The following PFKFB1 variants were observed in gnomAD, a reference collection of about 807,000 sequenced individuals.
PFKFB1 encodes the protein 6-phosphofructo-2-kinase/fructose-2,6-biphosphatase 1.
Under a neutral mutation model 46.4 loss-of-function variants are expected in PFKFB1, and 34 were observed. The observed-to-expected ratio is 0.73, with a 90% confidence interval of 0.56 to 0.98. PFKFB1 has a LOEUF of 0.98. PFKFB1 is among the 50% of genes least tolerant of loss of function. PFKFB1 has a pLI of 0.00. For missense variants in PFKFB1, 393 were observed against 376.3 expected, an observed-to-expected ratio of 1.04 and a Z score of -0.37; for synonymous variants, 119 against 133.8, an observed-to-expected ratio of 0.89 and a Z score of 0.76.
chrX:54,936,367 A>AGCATTC, intron 11 of PFKFB1, among the ~76,000 whole-genome samples: 1 of 46,138 alleles, frequency 2.2e-5, no homozygotes, highest in Non-Finnish European at 3.8e-5. Flanking sequence ...TCACCTAAGT[A>AGCATTC]ATGGGGTGGG....
rs183459555 is a variant in PFKFB1 at position 54,944,474 on chromosome X, G to C, written c.1098+965C>G. 4.5e-5 allele frequency among the ~76,000 whole-genome samples: 5 copies of C among 111,806 alleles called. No homozygotes were observed. In the East Asian group the frequency reaches 8.4e-4, roughly 19 times the overall value. Reference sequence around the variant, plus strand: ...AAACAACGAAACCCAACTATAAGCTGTTTATAAGAGACACAAAACAAAGAT... The same window carrying C: ...AAACAACGAAACCCAACTATAAGCTCTTTATAAGAGACACAAAACAAAGAT... On this transcript the variant is annotated intron_variant, in intron 10 of 13. Transcript: ENST00000375006.
At chrX:54,984,616 C>G (rs1446956436) in intron 1 of PFKFB1, among the ~76,000 whole-genome samples, 1 of 112,082 alleles carries the variant, frequency 8.9e-6, no homozygotes, top group Non-Finnish European at 1.9e-5. Context: ...CTACTGTCCC[C>G]TCACTACTGG....
At chrX:54,945,397 T>C (rs1184100574) in intron 10 of PFKFB1, 42 bp downstream of exon 10, 2 of 746,167 alleles carry the variant, frequency 2.7e-6, no homozygotes, top group Non-Finnish European at 4.1e-6. Flanking sequence ...ATGAAGACAC[T>C]GGGGAGTAGT....
At chrX:54,965,016 A>T (rs1213778402) in intron 1 of PFKFB1, among the ~76,000 whole-genome samples, 2 of 111,904 alleles carry the variant, frequency 1.8e-5, no homozygotes, top group African/African-American at 6.5e-5. Context: ...GAGCAAAAAA[A>T]GAAACCAGAA....
chrX:54,933,239 G>C lies in PFKFB1; in HGVS notation c.*164C>G. The stretch of plus-strand genomic sequence containing the variant: ...TCCTCCAGAGCTAGATAGCTCCTTG[G>C]TTGCGGCCAGCAAGCGAGGCTTGTT... On this transcript the variant is annotated 3_prime_UTR_variant, in exon 14 of 14. Coordinates refer to ENST00000375006, the MANE Select transcript of PFKFB1 (RefSeq NM_002625.4). 2.2e-6 allele frequency: 1 copy of C among 462,381 alleles called. No homozygotes were observed. The highest frequency in any genetic ancestry group is 3.3e-5 in the South Asian group (1 of 30,620). 38.1% of individuals were successfully genotyped at this position (462,381 alleles called of 1,213,427 possible).
intron 1 of PFKFB1, among the ~76,000 whole-genome samples, chrX:54,966,064 C>T (rs918465201): frequency 9.0e-6 from 1 of 110,967 alleles, no homozygotes; most frequent in African/African-American, 3.3e-5. Flanking sequence ...GAAAAGAAAA[C>T]AGAAAGATGG....
chrX:54,980,523 T>C (rs569739446), intron 1 of PFKFB1, among the ~76,000 whole-genome samples: 2 of 110,617 alleles, frequency 1.8e-5, no homozygotes, highest in South Asian at 7.7e-4. Flanking sequence ...GACTAAAGTG[T>C]GGACCAGACA....
chrX:54,949,261 G>A, intron 8 of PFKFB1, 40 bp from the exon 9 acceptor site: 1 of 1,118,830 alleles, frequency 8.9e-7, no homozygotes, highest in Non-Finnish European at 1.2e-6. Context: ...AAGGGGAAAA[G>A]GAGAGGTGAG....
intron 1 of PFKFB1, among the ~76,000 whole-genome samples, chrX:54,984,015 GT>G (rs946155144): frequency 1.6e-4 from 18 of 110,802 alleles, no homozygotes; most frequent in Admixed American, 5.8e-4. Context: ...TAATAGGGTT[GT>G]TTTTTTCTTG....
intron 2 of PFKFB1, among the ~76,000 whole-genome samples, chrX:54,961,552 C>T (rs1395497114): frequency 8.9e-6 from 1 of 111,768 alleles, no homozygotes; most frequent in East Asian, 2.8e-4. Context: ...ACTCATCTAA[C>T]AAATACTTTT....
chrX:54,958,981 A>G (rs1156646022), intron 4 of PFKFB1, 56 bp from the exon 5 acceptor site: 4 of 750,583 alleles, frequency 5.3e-6, no homozygotes, highest in Non-Finnish European at 8.3e-6. Flanking sequence ...CAGAACACCT[A>G]CTCTTTGCCC....
chrX:54,997,120 A>G (rs1208779150), upstream of PFKFB1, among the ~76,000 whole-genome samples: 7 of 112,025 alleles, frequency 6.2e-5, no homozygotes, highest in Non-Finnish European at 9.4e-5. Flanking sequence ...TGCAGTCTAC[A>G]TCTCTCTGCC....
chrX:54,987,542 C>T (rs1935139128), intron 1 of PFKFB1, among the ~76,000 whole-genome samples: 2 of 110,667 alleles, frequency 1.8e-5, no homozygotes, highest in Non-Finnish European at 3.8e-5. Context: ...CCCCACAAAA[C>T]ACTAGCAAAC....
In PFKFB1 at chrX:54,960,863, A is replaced by T. The variant is rs767762591; in HGVS notation, c.278T>A (p.Phe93Tyr). ...GGCTTCCATGTTGTCTGGAAGAAAG[A>T]ATTCATAGTTCTTGTAGCTCACTGC... Reference protein sequence around the residue: ...REAVSYKNYEFFLPDNMEALQ... With the variant: ...REAVSYKNYEYFLPDNMEALQ... The change falls in exon 3 of 14, where the codon TTC (phenylalanine) becomes TAC (tyrosine). Residue 93 changes from phenylalanine to tyrosine, a missense_variant. By Grantham distance (22) the Phe-to-Tyr change is conservative. Coordinates refer to ENST00000375006, the MANE Select transcript of PFKFB1 (RefSeq NM_002625.4). 1.6e-5 allele frequency: 19 copies of T among 1,193,637 alleles called. 1 individual carries two copies. The Middle Eastern group carries it at 9.4e-4, about 59-fold the overall frequency.
At chrX:54,992,449 G>A (rs1383623926) in intron 1 of PFKFB1, among the ~76,000 whole-genome samples, 5 of 111,479 alleles carry the variant, frequency 4.5e-5, no homozygotes, top group Non-Finnish European at 1.9e-5. Flanking sequence ...AGTTGTCCAA[G>A]GTCACAGACA....
At position 54,973,681 on chromosome X, in the gene PFKFB1, T is replaced by G. The variant is rs1180707035; in HGVS notation, c.98-10299A>C. Among the ~76,000 whole-genome samples the G allele has an allele frequency of 2.7e-5, 3 of 111,397 alleles. No homozygotes were observed. In the Admixed American group the frequency reaches 2.9e-4, roughly 11 times the overall value. ...GAGTTTCTTAATCCTGAGTTCTAGT[T>G]TGATTGCACTGTGGTCTGAGAGACA... On this transcript the variant is annotated intron_variant, in intron 1 of 13. Coordinates refer to ENST00000375006, the MANE Select transcript of PFKFB1 (RefSeq NM_002625.4).
At chrX:54,972,806 G>C (rs1212461786) in intron 1 of PFKFB1, among the ~76,000 whole-genome samples, 2 of 110,827 alleles carry the variant, frequency 1.8e-5, no homozygotes, top group Non-Finnish European at 3.8e-5. Flanking sequence ...TCTCTTTTTT[G>C]GTTGTGTCTC....
At chrX:54,998,552 T>TACC, upstream of PFKFB1, 1 of 563,479 alleles carries the variant, frequency 1.8e-6, no homozygotes, top group African/African-American at 2.3e-5. Flanking sequence ...GCTGAGGACG[T>TACC]ACCCTTGTTA....
intron 11 of PFKFB1, among the ~76,000 whole-genome samples, chrX:54,935,961 C>T (rs1025602846): frequency 1.8e-5 from 2 of 111,783 alleles, no homozygotes; most frequent in African/African-American, 6.5e-5. Flanking sequence ...CCACTGCCCT[C>T]CCAGCCTCCT....
Sources: gnomAD v4.1 joint callset for allele counts (sites outside exome capture counted in the v4.1 genomes callset) on GRCh38, gnomAD v4.1.1 for gene constraint, MANE v1.5 for transcripts, NCBI Gene and HGNC (gene_info 2026-07-23, HGNC 2026-07-21) for gene names.